The following TENM1 variants were observed in gnomAD, a reference collection of about 807,000 sequenced individuals.
The protein encoded by TENM1 is teneurin-1.
Under a neutral mutation model 174.8 loss-of-function variants are expected in TENM1, and 35 were observed. The observed-to-expected ratio is 0.20, with a 90% CI of 0.15 to 0.27. TENM1 has a LOEUF of 0.27. Among genes scored for constraint, TENM1 ranks in the 10% least tolerant of loss-of-function variants. The pLI, the probability that TENM1 is intolerant of heterozygous loss-of-function variation, is 1.00. For missense variants in TENM1, 1,633 were observed against 2,130.1 expected (o/e 0.77, Z 4.59); for synonymous variants, 781 against 798.7 (o/e 0.98, Z 0.37).
chrX:125,020,123 G>A, the TENM1 span, among the ~76,000 whole-genome samples: 2 of 110,919 alleles, frequency 1.8e-5, no homozygotes, highest in Admixed American at 9.7e-5. Flanking sequence ...ATCCACACTA[G>A]CAGGAGTAGT....
exon 32 of TENM1, chrX:124,380,280 CTG>C: frequency 1.1e-5 from 3 of 283,386 alleles, no homozygotes; most frequent in African/African-American, 2.7e-5. Flanking sequence ...TTTCTGAAAA[CTG>C]TTTTTAGCTG....
chrX:124,928,827 G>T (rs1047259012), intron 1 of TENM1, among the ~76,000 whole-genome samples: 1 of 111,148 alleles, frequency 9.0e-6, no homozygotes, highest in South Asian at 3.8e-4. Context: ...GTGCTAAAAT[G>T]CCCCTTAAAT....
intron 31 of TENM1, among the ~76,000 whole-genome samples, chrX:124,382,213 A>T (rs1312630412): frequency 9.0e-6 from 1 of 111,354 alleles, no homozygotes; most frequent in Non-Finnish European, 1.9e-5. Flanking sequence ...TGTAATATTT[A>T]TTATTTTTGC....
At chrX:124,664,284 C>T (rs182682722) in intron 6 of TENM1, among the ~76,000 whole-genome samples, 1 of 110,893 alleles carries the variant, frequency 9.0e-6, no homozygotes, top group East Asian at 2.8e-4. Context: ...GTCCTATGAA[C>T]CAATATTGCA....
chrX:124,771,532 G>A (rs1290580706), intron 3 of TENM1, among the ~76,000 whole-genome samples: 1 of 112,478 alleles, frequency 8.9e-6, no homozygotes, highest in Non-Finnish European at 1.9e-5. Flanking sequence ...ACAGAAATAC[G>A]TAAGCTGAAG....
intron 11 of TENM1, among the ~76,000 whole-genome samples, chrX:124,624,813 A>T (rs753264316): frequency 1.8e-3 from 202 of 112,307 alleles, no homozygotes; most frequent in African/African-American, 6.0e-3. Flanking sequence ...CATGATAGCT[A>T]TTATCTGAGC....
chrX:124,939,756 T>C (rs1463951522), intron 1 of TENM1, among the ~76,000 whole-genome samples: 1 of 111,748 alleles, frequency 8.9e-6, no homozygotes, highest in Non-Finnish European at 1.9e-5. Flanking sequence ...GCCCTTGTTC[T>C]TCCCTCTGTC....
chrX:124,458,368 G>A (rs1163309693), intron 22 of TENM1, among the ~76,000 whole-genome samples: 1 of 111,757 alleles, frequency 8.9e-6, no homozygotes, highest in Non-Finnish European at 1.9e-5. Flanking sequence ...AGATTTCTGT[G>A]TGTCACTAGA....
Position 124,390,565 on chromosome X carries a change from T to C in TENM1, c.5688+1487A>G, listed in dbSNP as rs769338672. On this transcript the variant is annotated intron_variant, in intron 28 of 31. Coordinates refer to ENST00000422452, the Ensembl canonical transcript of TENM1. Reference sequence around the variant, plus strand: ...GGAATTATGAGTGCAATCCTACGTATGCTTCTAAGGAGTGCTGGCTACTTA... The same window carrying C: ...GGAATTATGAGTGCAATCCTACGTACGCTTCTAAGGAGTGCTGGCTACTTA... 6.2e-5 allele frequency among the ~76,000 whole-genome samples: 7 copies of C among 112,199 alleles called. No homozygotes were observed. The South Asian group carries it at 2.6e-3, about 42-fold the overall frequency.
At chrX:124,665,108 C>A (rs1433032664) in intron 6 of TENM1, among the ~76,000 whole-genome samples, 1 of 111,673 alleles carries the variant, frequency 9.0e-6, no homozygotes, top group Admixed American at 9.5e-5. Context: ...GAGGCCGAGG[C>A]GGGCAGATCA....
At chrX:124,447,706 A>AT (rs997022993) in intron 23 of TENM1, among the ~76,000 whole-genome samples, 6 of 111,061 alleles carry the variant, frequency 5.4e-5, no homozygotes, top group African/African-American at 2.0e-4. Context: ...TGACACCTTC[A>AT]TGGTTTTCCA....
intron 5 of TENM1, among the ~76,000 whole-genome samples, chrX:124,672,942 T>C (rs1411536539): frequency 8.9e-6 from 1 of 112,206 alleles, no homozygotes; most frequent in Non-Finnish European, 1.9e-5. Context: ...CATGGGAAGC[T>C]TACAGAGAAT....
chrX:125,159,712 G>C, the TENM1 span, among the ~76,000 whole-genome samples: 2 of 111,843 alleles, frequency 1.8e-5, no homozygotes, highest in Non-Finnish European at 3.8e-5. Flanking sequence ...GTATTTATTT[G>C]TGACCAGACT....
At chrX:124,569,593 T>C (rs191063240) in intron 11 of TENM1, among the ~76,000 whole-genome samples, 11 of 112,097 alleles carry the variant, frequency 9.8e-5, no homozygotes, top group South Asian at 3.7e-4. Context: ...AATTTGAAAT[T>C]TGTAATAGCA....
chrX:124,856,107 G>T (rs2056811517), intron 3 of TENM1, among the ~76,000 whole-genome samples: 1 of 110,484 alleles, frequency 9.1e-6, no homozygotes. Context: ...TTTATTCACT[G>T]GCATTTCAAT....
At chrX:124,411,181 G>T in intron 25 of TENM1, among the ~76,000 whole-genome samples, 1 of 111,578 alleles carries the variant, frequency 9.0e-6, no homozygotes. Flanking sequence ...AAGAGCACAG[G>T]CATATTCCTA....
intron 11 of TENM1, among the ~76,000 whole-genome samples, chrX:124,596,824 A>T (rs2049902392): frequency 9.0e-6 from 1 of 111,082 alleles, no homozygotes; most frequent in Non-Finnish European, 1.9e-5. Context: ...AGTAACAAAA[A>T]TCATATTTGC....
At chrX:124,467,208 G>A (rs1217797822) in intron 22 of TENM1, among the ~76,000 whole-genome samples, 1 of 111,910 alleles carries the variant, frequency 8.9e-6, no homozygotes, top group African/African-American at 3.3e-5. Flanking sequence ...GGAATAGCTA[G>A]TAAATGAAAC....
At chrX:125,121,131 G>A in the TENM1 span, among the ~76,000 whole-genome samples, 14 of 111,819 alleles carry the variant, frequency 1.3e-4, no homozygotes, top group East Asian at 2.0e-3. Flanking sequence ...TTTTGATAAC[G>A]TGACAAGGTT....
Sources: allele counts gnomAD v4.1 joint callset (sites outside exome capture counted in the v4.1 genomes callset), GRCh38; gene constraint gnomAD v4.1.1; transcripts MANE v1.5; gene names NCBI Gene and HGNC (gene_info 2026-07-23, HGNC 2026-07-21).